SUV39H2: variants seen among roughly 807,000 people sequenced by gnomAD.
SUV39H2 encodes SUV39H2 histone lysine methyltransferase.
In SUV39H2, 10 loss-of-function variants were observed where a neutral mutation model predicts 47.5. That is an observed-to-expected ratio of 0.21 (90% CI 0.13 to 0.36). The LOEUF is 0.36. SUV39H2 is among the 10% of genes least tolerant of loss of function. The pLI is 1.00. For missense variants in SUV39H2, 266 were observed against 487.4 expected (o/e 0.55, Z 4.28); for synonymous variants, 159 against 166.8 (o/e 0.95, Z 0.36).
intron 2 of SUV39H2, among the ~76,000 whole-genome samples, chr10:14,889,614 G>C (rs1385836346): frequency 6.6e-6 from 1 of 152,162 alleles, no homozygotes. Flanking sequence ...GGCAGTTAAT[G>C]CCTGGTGGTT....
chr10:14,893,836 T>G (rs1833473372), intron 2 of SUV39H2, among the ~76,000 whole-genome samples: 3 of 152,238 alleles, frequency 2.0e-5, no homozygotes, highest in African/African-American at 4.8e-5. Context: ...TAAATACAAT[T>G]AATTATTTGG....
At chr10:14,896,091 C>T (rs1005757548) in intron 2 of SUV39H2, among the ~76,000 whole-genome samples, 2 of 151,944 alleles carry the variant, frequency 1.3e-5, no homozygotes, top group African/African-American at 4.8e-5. Flanking sequence ...TACAGGCGTG[C>T]ACCACCACAC....
rs772238613 is a variant in SUV39H2, at chr10:14,896,893, A to G, written c.225A>G (p.Thr75=). 72 of 1,607,374 alleles carry G rather than the reference A, an allele frequency of 4.5e-5. No individual in the cohort carries two copies. Among genetic ancestry groups the G allele is most frequent in the Non-Finnish European group, 5.5e-5 (65 of 1,175,930 alleles). The part of the protein sequence containing the change: ...LVKWKGWPDS[T]NTWEPLQNLK... ...AATGGAAAGGATGGCCAGATTCTAC[A>G]AATACTTGGGAACCTTTGCAAAATC... The change falls in exon 3 of 6, where the codon ACA becomes ACG. Residue 75 remains threonine (T), a synonymous_variant. Coordinates refer to ENST00000354919, the MANE Select transcript of SUV39H2 (RefSeq NM_001193424.2).
At chr10:14,883,158 C>T (rs953989655) in intron 2 of SUV39H2, among the ~76,000 whole-genome samples, 3 of 152,050 alleles carry the variant, frequency 2.0e-5, no homozygotes, top group Non-Finnish European at 4.4e-5. Flanking sequence ...TGAGCCACTG[C>T]ACCCCGCCAG....
chr10:14,880,581 C>T (rs138569256), intron 1 of SUV39H2, among the ~76,000 whole-genome samples: 5 of 152,298 alleles, frequency 3.3e-5, no homozygotes, highest in African/African-American at 9.6e-5. Flanking sequence ...TTGTCAAGTG[C>T]TTACCATGAC....
At chr10:14,899,425 C>A (rs1564344891) in intron 3 of SUV39H2, 114 bp from the exon 4 acceptor site, 1 of 1,148,192 alleles carries the variant, frequency 8.7e-7, no homozygotes, top group Admixed American at 2.2e-5. Flanking sequence ...TTTGATGACA[C>A]CTGAATTTCT....
chr10:14,897,596 A>G, intron 3 of SUV39H2, 79 bp downstream of exon 3: 1 of 1,210,282 alleles, frequency 8.3e-7, no homozygotes, highest in Admixed American at 2.9e-5. Flanking sequence ...TATCTCTTTA[A>G]GAGATACTTG....
rs761163033 is a variant in SUV39H2, at chr10:14,899,579, A to G, written c.890A>G (p.Tyr297Cys). The G allele has an allele frequency of 2.5e-6, 4 of 1,614,180 alleles. No individual in the cohort carries two copies. The highest frequency in any genetic ancestry group is 1.1e-5 in the South Asian group (1 of 91,082). ...GAAGCTGAAAGACGAGGACAGTTCT[A>G]TGACAACAAGGGAATCACGTATCTC... is the stretch of plus-strand genomic sequence containing the variant. ...SEEAERRGQFYDNKGITYLFD... is the reference protein window; with the variant it reads ...SEEAERRGQFCDNKGITYLFD... Residue 297 changes from tyrosine (Y) to cysteine (C), a missense_variant, in exon 4 of 6, where the codon TAT (tyrosine) becomes TGT (cysteine). Tyr to Cys is a radical substitution (Grantham distance 194, BLOSUM62 -2). Transcript: ENST00000354919.
rs1443134209 is a variant in SUV39H2, at chr10:14,896,838, A to G, written c.178-8A>G. On this transcript the variant is annotated splice_region_variant and splice_polypyrimidine_tract_variant and intron_variant, in intron 2 of 5. Coordinates refer to ENST00000354919, the MANE Select transcript of SUV39H2 (RefSeq NM_001193424.2). ...TGATTTGCATTTTATTTTCTTTTGT[A>G]TTTTAAGGATATGGAATATTATCTT... 1 of 1,540,736 alleles carries G rather than the reference A, an allele frequency of 6.5e-7. No homozygotes were observed. Among genetic ancestry groups the G allele is most frequent in the Non-Finnish European group, 8.7e-7 (1 of 1,144,370 alleles).
chr10:14,891,999 C>T (rs951966502), intron 2 of SUV39H2, among the ~76,000 whole-genome samples: 5 of 152,336 alleles, frequency 3.3e-5, no homozygotes, highest in Admixed American at 6.5e-5. Context: ...AAAAGTCCAT[C>T]GCTTTCATCA....
At chr10:14,899,214 G>A (rs1833819114) in intron 3 of SUV39H2, 1 of 702,040 alleles carries the variant, frequency 1.4e-6, no homozygotes, top group African/African-American at 1.7e-5. Context: ...CAGCTAGTCA[G>A]GAGGCTGAGG....
intron 4 of SUV39H2, 96 bp from the exon 5 acceptor site, chr10:14,901,037 A>C (rs1833972868): frequency 6.7e-7 from 1 of 1,486,838 alleles, no homozygotes; most frequent in Non-Finnish European, 9.1e-7. Context: ...AGTGGAACTT[A>C]AACTAAATCT....
At chr10:14,889,877 T>A (rs533690632) in intron 2 of SUV39H2, among the ~76,000 whole-genome samples, 1 of 152,336 alleles carries the variant, frequency 6.6e-6, no homozygotes, top group East Asian at 1.9e-4. Context: ...AGCATTATTG[T>A]TGCTACATCA....
At chr10:14,884,007 A>G (rs1448068167) in intron 2 of SUV39H2, among the ~76,000 whole-genome samples, 1 of 152,236 alleles carries the variant, frequency 6.6e-6, no homozygotes, top group Admixed American at 6.5e-5. Context: ...AAATATATCA[A>G]TACTTCATTC....
intron 1 of SUV39H2, chr10:14,879,129 T>C (rs1331198247): frequency 1.6e-6 from 2 of 1,256,484 alleles, no homozygotes; most frequent in Non-Finnish European, 2.0e-6. Context: ...GCCGCGGAGG[T>C]GGGCACTGTC....
At chr10:14,892,167 C>T (rs1438674890) in intron 2 of SUV39H2, among the ~76,000 whole-genome samples, 5 of 152,192 alleles carry the variant, frequency 3.3e-5, no homozygotes, top group African/African-American at 9.6e-5. Flanking sequence ...TGGTGGCTGC[C>T]GCCTTAGAGA....
At chr10:14,896,528 ATC>A (rs1452797842) in intron 2 of SUV39H2, among the ~76,000 whole-genome samples, 2 of 152,238 alleles carry the variant, frequency 1.3e-5, no homozygotes, top group Non-Finnish European at 2.9e-5. Flanking sequence ...AAATAAATAC[ATC>A]TGGGTTTAAC....
intron 2 of SUV39H2, among the ~76,000 whole-genome samples, chr10:14,886,216 C>T (rs144258226): frequency 5.3e-5 from 8 of 152,302 alleles, no homozygotes; most frequent in Non-Finnish European, 1.2e-4. Context: ...CCCCTTTCCT[C>T]ATCCATTTCC....
intron 1 of SUV39H2, among the ~76,000 whole-genome samples, chr10:14,879,423 A>G (rs752012933): frequency 7.9e-5 from 12 of 152,144 alleles, no homozygotes; most frequent in Non-Finnish European, 1.6e-4. Context: ...GTGTGCTAAG[A>G]AAGGGGATAA....
Sources: allele counts gnomAD v4.1 joint callset (sites outside exome capture counted in the v4.1 genomes callset), GRCh38; gene constraint gnomAD v4.1.1; transcripts MANE v1.5; gene names NCBI Gene and HGNC (gene_info 2026-07-23, HGNC 2026-07-21).